Variants in IPCEF1 observed in about 807,000 individuals in gnomAD.
IPCEF1 encodes interactor protein for cytohesin exchange factors 1.
In IPCEF1, 31 loss-of-function variants were observed where a neutral mutation model predicts 50.9. The observed-to-expected ratio is 0.61, with a 90% CI of 0.46 to 0.82. IPCEF1 has a LOEUF of 0.82. Ranked by LOEUF, IPCEF1 falls within the 40% of genes least tolerant of loss-of-function variation. The pLI, the probability that IPCEF1 is intolerant of heterozygous loss-of-function variation, is 0.00. For synonymous variants in IPCEF1, 181 were observed against 192.0 expected (o/e 0.94, Z 0.47); for missense variants, 458 against 514.0 (o/e 0.89, Z 1.05).
intron 1 of IPCEF1, among the ~76,000 whole-genome samples, chr6:154,311,146 T>C (rs2037803): frequency 0.69 from 105,205 of 151,870 alleles, 36,998 homozygotes; most frequent in East Asian, 0.8. Context: ...ATTTGTCAAT[T>C]AAAAATAAAT....
intron 1 of IPCEF1, among the ~76,000 whole-genome samples, chr6:154,330,891 A>G (rs12665293): frequency 0.098 from 14,983 of 152,278 alleles, 972 homozygotes; most frequent in South Asian, 0.31. Context: ...CTTTCCTTCC[A>G]TATTTAAAAA....
intron 1 of IPCEF1, among the ~76,000 whole-genome samples, chr6:154,338,821 C>A (rs919539322): frequency 6.6e-6 from 1 of 152,134 alleles, no homozygotes. Flanking sequence ...ACTCAGGAGG[C>A]TGAGACAGGA....
At chr6:154,276,932 C>T (rs1782078058) in intron 2 of IPCEF1, among the ~76,000 whole-genome samples, 2 of 152,168 alleles carry the variant, frequency 1.3e-5, no homozygotes, top group South Asian at 2.1e-4. Flanking sequence ...GAGGGACCTT[C>T]GGTGACTAGC....
At chr6:154,331,925 G>T (rs1409231472) in intron 1 of IPCEF1, among the ~76,000 whole-genome samples, 4 of 152,086 alleles carry the variant, frequency 2.6e-5, no homozygotes, top group Non-Finnish European at 4.4e-5. Flanking sequence ...TAGGGCACTT[G>T]GTTTTCTCAA....
chr6:154,309,707 C>T (rs1395186354), intron 1 of IPCEF1, among the ~76,000 whole-genome samples: 1 of 152,004 alleles, frequency 6.6e-6, no homozygotes, highest in African/African-American at 2.4e-5. Flanking sequence ...TGAAATTCTA[C>T]CCACCTTAAA....
chr6:154,213,744 C>T (rs1778151446), intron 8 of IPCEF1, among the ~76,000 whole-genome samples: 1 of 152,084 alleles, frequency 6.6e-6, no homozygotes, highest in Non-Finnish European at 1.5e-5. Context: ...TGAAAGCTAC[C>T]GACTGAGCTA....
chr6:154,220,674 G>A (rs565454612), intron 7 of IPCEF1, among the ~76,000 whole-genome samples: 1 of 152,268 alleles, frequency 6.6e-6, no homozygotes, highest in African/African-American at 2.4e-5. Flanking sequence ...CAGCTATTGT[G>A]ATCACACCTG....
chr6:154,280,377 G>T (rs1782175637), intron 2 of IPCEF1, among the ~76,000 whole-genome samples: 1 of 152,018 alleles, frequency 6.6e-6, no homozygotes, highest in Non-Finnish European at 1.5e-5. Context: ...ACCAGCCTGG[G>T]CAACAAAGTG....
chr6:154,295,008 C>T (rs1036095159), intron 1 of IPCEF1, among the ~76,000 whole-genome samples: 2 of 152,172 alleles, frequency 1.3e-5, no homozygotes, highest in Non-Finnish European at 2.9e-5. Context: ...ACCAGCCTGG[C>T]TAACACGGTG....
At chr6:154,215,197 C>G (rs375003486) in intron 7 of IPCEF1, among the ~76,000 whole-genome samples, 33 of 152,336 alleles carry the variant, frequency 2.2e-4, no homozygotes, top group African/African-American at 7.7e-4. Context: ...TACACTTGCA[C>G]TAAGCCATAA....
intron 2 of IPCEF1, among the ~76,000 whole-genome samples, chr6:154,285,144 G>C (rs990264695): frequency 3.3e-5 from 5 of 152,258 alleles, no homozygotes; most frequent in Non-Finnish European, 4.4e-5. Flanking sequence ...AATTTTTTCT[G>C]TGTAAACTAA....
Position 154,298,690 on chromosome 6 carries a change from G to A in IPCEF1, c.-61-8934C>T, listed in dbSNP as rs1002428509. ...TAGGTTACCAACATTATGGCTGGGC[G>A]CAGTGGCTCACACCTGTAATCCCAG... On this transcript the variant is annotated intron_variant, in intron 1 of 11. Transcript: ENST00000367220. 3.9e-5 allele frequency among the ~76,000 whole-genome samples: 6 copies of A among 152,308 alleles called. No homozygotes were observed. The South Asian group carries it at 6.2e-4, about 16-fold the overall frequency.
chr6:154,183,141 G>A (rs769030240), intron 10 of IPCEF1, among the ~76,000 whole-genome samples: 50 of 151,950 alleles, frequency 3.3e-4, no homozygotes, highest in Middle Eastern at 3.4e-3. Flanking sequence ...CACCACACCC[G>A]GCTAATTTTT....
At chr6:154,266,246 G>A (rs1011911608) in intron 2 of IPCEF1, among the ~76,000 whole-genome samples, 1 of 151,886 alleles carries the variant, frequency 6.6e-6, no homozygotes, top group Non-Finnish European at 1.5e-5. Context: ...ATAGCCAGTT[G>A]TAGTGGCACA....
chr6:154,271,949 T>C (rs1472730138), intron 2 of IPCEF1, among the ~76,000 whole-genome samples: 2 of 152,218 alleles, frequency 1.3e-5, no homozygotes, highest in African/African-American at 4.8e-5. Flanking sequence ...ATTGTGCTAT[T>C]GCACTCCATC....
At chr6:154,224,061 G>T (rs753511480) in intron 5 of IPCEF1, among the ~76,000 whole-genome samples, 1 of 152,274 alleles carries the variant, frequency 6.6e-6, no homozygotes, top group South Asian at 2.1e-4. Context: ...TAGATTGTTC[G>T]TCACCCATAG....
chr6:154,312,645 C>T (rs754946303), intron 1 of IPCEF1, among the ~76,000 whole-genome samples: 2 of 152,006 alleles, frequency 1.3e-5, no homozygotes, highest in Non-Finnish European at 2.9e-5. Flanking sequence ...CGCACCTGGC[C>T]AGAATCAAAA....
chr6:154,293,667 C>T (rs1782567998), intron 1 of IPCEF1, among the ~76,000 whole-genome samples: 1 of 152,226 alleles, frequency 6.6e-6, no homozygotes, highest in Non-Finnish European at 1.5e-5. Context: ...ATCTTTTCCA[C>T]TTCCACAGAG....
At chr6:154,254,401 G>A (rs938641844) in intron 3 of IPCEF1, among the ~76,000 whole-genome samples, 4 of 152,168 alleles carry the variant, frequency 2.6e-5, no homozygotes, top group African/African-American at 9.7e-5. Flanking sequence ...ATGGCAGCAG[G>A]AGAAAGAGAG....
Sources: gnomAD v4.1 joint callset for allele counts (sites outside exome capture counted in the v4.1 genomes callset) on GRCh38, gnomAD v4.1.1 for gene constraint, MANE v1.5 for transcripts, NCBI Gene and HGNC (gene_info 2026-07-23, HGNC 2026-07-21) for gene names.